LINGO2: variants seen among roughly 807,000 people sequenced by gnomAD.
LINGO2 encodes the protein leucine-rich repeat and immunoglobulin-like domain-containing nogo receptor-interacting protein 2.
Under a neutral mutation model 30.6 loss-of-function variants are expected in LINGO2, and 14 were observed. The ratio of observed to expected loss-of-function variants is 0.46; its 90% CI spans 0.30 to 0.72. The LOEUF (loss-of-function observed/expected upper bound fraction) is 0.72. LINGO2 is among the 30% of genes least tolerant of loss of function. The pLI, the probability that LINGO2 is intolerant of heterozygous loss-of-function variation, is 0.07. For synonymous variants in LINGO2, 317 were observed against 288.5 expected (o/e 1.10, Z -1.00); for missense variants, 729 against 751.7 (o/e 0.97, Z 0.35).
the LINGO2 span, among the ~76,000 whole-genome samples, chr9:29,106,009 C>A: frequency 6.6e-6 from 1 of 152,142 alleles, no homozygotes; most frequent in African/African-American, 2.4e-5. Flanking sequence ...AAGTCCTGAG[C>A]AGGAGACCTG....
intron 1 of LINGO2, among the ~76,000 whole-genome samples, chr9:28,602,352 A>T (rs1825521998): frequency 6.6e-6 from 1 of 152,108 alleles, no homozygotes; most frequent in Admixed American, 6.6e-5. Flanking sequence ...AAAAACAAAA[A>T]CATAAATTGA....
the LINGO2 span, among the ~76,000 whole-genome samples, chr9:29,189,177 G>A: frequency 6.8e-6 from 1 of 146,346 alleles, no homozygotes; most frequent in African/African-American, 2.5e-5. Flanking sequence ...GGACGGGGCG[G>A]CTGGCCAGGC....
At chr9:28,918,286 G>A in the LINGO2 span, among the ~76,000 whole-genome samples, 12 of 152,136 alleles carry the variant, frequency 7.9e-5, no homozygotes, top group Non-Finnish European at 1.5e-5. Flanking sequence ...GCAATGAGAA[G>A]TGTATGGGGA....
At position 28,500,370 on chromosome 9, in the gene LINGO2, C is replaced by T. The variant is rs185920930; in HGVS notation, c.-364-24345G>A. On this transcript the variant is annotated intron_variant, in intron 1 of 5. Transcript: ENST00000379992. Reference sequence around the variant, plus strand: ...CCTCTAAAGGCAGAAAATGTTAAATCCCCAGAAATTTGAGGCAAACAAACA... The same window carrying T: ...CCTCTAAAGGCAGAAAATGTTAAATTCCCAGAAATTTGAGGCAAACAAACA... Among the ~76,000 whole-genome samples, 47 of 152,190 alleles carry T rather than the reference C, an allele frequency of 3.1e-4. 1 individual carries two copies. The East Asian group carries it at 8.7e-3, about 28-fold the overall frequency.
Position 28,657,300 on chromosome 9 carries a change from C to CT in LINGO2, c.-365+12899dup, listed in dbSNP as rs545634206. ...CACCACCCATCAAAAGAACTCTTTT[C>CT]TTTTTAATTTGAAAAGTATTACTGT... On this transcript the variant is annotated intron_variant, in intron 1 of 5. Coordinates refer to ENST00000379992, the Ensembl canonical transcript of LINGO2. Among the ~76,000 whole-genome samples, 22 of 152,046 alleles carry CT rather than the reference C, an allele frequency of 1.4e-4. No individual in the cohort carries two copies. In the South Asian group the frequency reaches 4.6e-3, roughly 32 times the overall value.
At chr9:28,491,791 AT>A (rs1826406810) in intron 1 of LINGO2, among the ~76,000 whole-genome samples, 5 of 152,206 alleles carry the variant, frequency 3.3e-5, no homozygotes, top group Admixed American at 2.6e-4. Flanking sequence ...AGTAAAATAA[AT>A]AAAATTGAAA....
intron 4 of LINGO2, among the ~76,000 whole-genome samples, chr9:28,102,759 C>T (rs1345218054): frequency 2.6e-5 from 4 of 152,024 alleles, no homozygotes; most frequent in African/African-American, 9.7e-5. Flanking sequence ...TGTTCACTAG[C>T]CTGTTTTCCA....
the LINGO2 span, among the ~76,000 whole-genome samples, chr9:28,837,496 A>G: frequency 6.6e-6 from 1 of 150,578 alleles, no homozygotes; most frequent in Non-Finnish European, 1.5e-5. Flanking sequence ...AAATACAAAA[A>G]ATTAGCTGGG....
intron 4 of LINGO2, among the ~76,000 whole-genome samples, chr9:28,209,023 TG>T (rs759649421): frequency 3.9e-5 from 6 of 152,028 alleles, no homozygotes; most frequent in Non-Finnish European, 8.8e-5. Flanking sequence ...GATAAATGCA[TG>T]TGTTCCGTAT....
intron 1 of LINGO2, among the ~76,000 whole-genome samples, chr9:28,507,162 C>G (rs79121719): frequency 0.022 from 3,388 of 151,750 alleles, 123 homozygotes; most frequent in African/African-American, 0.077. Flanking sequence ...GGCTTTTTAT[C>G]CTGGATAGCT....
intron 4 of LINGO2, among the ~76,000 whole-genome samples, chr9:28,126,103 T>C (rs1827228330): frequency 1.3e-5 from 2 of 152,214 alleles, no homozygotes; most frequent in South Asian, 2.1e-4. Flanking sequence ...ATTTGCCTCC[T>C]CTAAAGTAGT....
intron 1 of LINGO2, among the ~76,000 whole-genome samples, chr9:28,523,250 GA>G (rs1158064578): frequency 2.7e-5 from 4 of 150,760 alleles, no homozygotes; most frequent in Non-Finnish European, 5.9e-5. Context: ...AGTGCAGCTT[GA>G]AAAAAAAATT....
At chr9:28,755,202 A>G in the LINGO2 span, among the ~76,000 whole-genome samples, 329 of 152,242 alleles carry the variant, frequency 2.2e-3, 4 homozygotes, top group Non-Finnish European at 2.5e-3. Context: ...TAAATGCCAT[A>G]CTCGTGTTTA....
At chr9:28,818,881 G>A in the LINGO2 span, among the ~76,000 whole-genome samples, 1 of 152,118 alleles carries the variant, frequency 6.6e-6, no homozygotes, top group South Asian at 2.1e-4. Context: ...CTTTAAACCT[G>A]AAAAACACTC....
intron 4 of LINGO2, among the ~76,000 whole-genome samples, chr9:28,093,091 GT>G (rs1307847581): frequency 6.6e-6 from 1 of 152,042 alleles, no homozygotes; most frequent in Non-Finnish European, 1.5e-5. Context: ...CTAAGTACAT[GT>G]TTTTTATCTC....
At chr9:28,661,937 G>A (rs987651919) in intron 1 of LINGO2, among the ~76,000 whole-genome samples, 3 of 152,124 alleles carry the variant, frequency 2.0e-5, no homozygotes, top group African/African-American at 7.2e-5. Flanking sequence ...TACTCATGAG[G>A]ATGGCATATT....
chr9:28,748,332 A>T, the LINGO2 span, among the ~76,000 whole-genome samples: 1 of 152,104 alleles, frequency 6.6e-6, no homozygotes, highest in African/African-American at 2.4e-5. Context: ...AAATTAATAA[A>T]TTATAATGAT....
chr9:28,832,275 T>C, the LINGO2 span, among the ~76,000 whole-genome samples: 1 of 152,230 alleles, frequency 6.6e-6, no homozygotes, highest in African/African-American at 2.4e-5. Context: ...ATGAATGCAC[T>C]GTTTCTTACA....
chr9:28,302,243 T>C (rs1025397040), intron 3 of LINGO2, among the ~76,000 whole-genome samples: 1 of 152,104 alleles, frequency 6.6e-6, no homozygotes, highest in Non-Finnish European at 1.5e-5. Context: ...TGATGGAGGG[T>C]AAGTGGTCTC....
Sources: gnomAD v4.1 joint callset for allele counts (sites outside exome capture counted in the v4.1 genomes callset) on GRCh38, gnomAD v4.1.1 for gene constraint, MANE v1.5 for transcripts, NCBI Gene and HGNC (gene_info 2026-07-23, HGNC 2026-07-21) for gene names.